Variants in PREX1 observed in about 807,000 individuals in gnomAD.
PREX1 encodes phosphatidylinositol-3,4,5-trisphosphate dependent Rac exchange factor 1.
In PREX1, 41 loss-of-function variants were observed where a neutral mutation model predicts 198.3. The observed-to-expected ratio is 0.21, with a 90% confidence interval of 0.16 to 0.27. The LOEUF (loss-of-function observed/expected upper bound fraction) is 0.27. PREX1 is among the 10% of genes least tolerant of loss of function. The pLI, the probability that PREX1 is intolerant of heterozygous loss-of-function variation, is 1.00. For synonymous variants in PREX1, 843 were observed against 887.2 expected, an observed-to-expected ratio of 0.95 and a Z score of 0.89; for missense variants, 1,620 against 2,200.7, an observed-to-expected ratio of 0.74 and a Z score of 5.28.
chr20:48,719,635 TAGA>T (rs995374238), intron 5 of PREX1, among the ~76,000 whole-genome samples: 1 of 152,072 alleles, frequency 6.6e-6, no homozygotes, highest in African/African-American at 2.4e-5. Context: ...TCCAGAATAA[TAGA>T]AGGACTCTGG....
At chr20:48,696,509 C>T (rs377022024) in intron 7 of PREX1, among the ~76,000 whole-genome samples, 6 of 152,280 alleles carry the variant, frequency 3.9e-5, no homozygotes, top group Non-Finnish European at 7.4e-5. Context: ...CCAGTAATAA[C>T]GGTCCCCTAG....
Position 48,735,334 on chromosome 20 carries a change from C to T in PREX1, c.415-684G>A, listed in dbSNP as rs572725534. On this transcript the variant is annotated intron_variant, in intron 3 of 39. Transcript: ENST00000371941. ...TAGGGATGGGGGTGTGCAAGAGACC[C>T]GAACAAGCTAAGGAAGGAAGAGGTG... 3.9e-5 allele frequency among the ~76,000 whole-genome samples: 6 copies of T among 152,172 alleles called. No homozygotes were observed. In the South Asian group the frequency reaches 1.2e-3, roughly 32 times the overall value.
At chr20:48,789,146 C>A (rs1322695700) in intron 1 of PREX1, among the ~76,000 whole-genome samples, 1 of 152,208 alleles carries the variant, frequency 6.6e-6, no homozygotes, top group Non-Finnish European at 1.5e-5. Flanking sequence ...TTAGCTAGAA[C>A]CTTCAAAGTT....
At chr20:48,627,419 G>GTT (rs2089281455) in intron 39 of PREX1, 129 bp downstream of exon 39, 1 of 1,048,300 alleles carries the variant, frequency 9.5e-7, no homozygotes, top group African/African-American at 1.6e-5. Context: ...TCCTCAAAGA[G>GTT]GTTCCCCATA....
At chr20:48,765,274 C>A (rs183786950) in intron 1 of PREX1, among the ~76,000 whole-genome samples, 1 of 152,152 alleles carries the variant, frequency 6.6e-6, no homozygotes, top group South Asian at 2.1e-4. Flanking sequence ...TTTCTTTCCC[C>A]ACCCACAAAA....
chr20:48,703,744 G>C (rs1183505327), intron 6 of PREX1, among the ~76,000 whole-genome samples: 1 of 152,198 alleles, frequency 6.6e-6, no homozygotes, highest in Non-Finnish European at 1.5e-5. Context: ...GCCAGCCTGG[G>C]AAGCTGCCTC....
intron 2 of PREX1, among the ~76,000 whole-genome samples, chr20:48,746,914 G>T (rs944596725): frequency 6.8e-6 from 1 of 147,490 alleles, no homozygotes; most frequent in South Asian, 2.2e-4. Flanking sequence ...AATGAATGCA[G>T]GCATAGAGTT....
intron 21 of PREX1, among the ~76,000 whole-genome samples, chr20:48,651,888 G>C (rs951582440): frequency 1.3e-5 from 2 of 152,234 alleles, no homozygotes; most frequent in Non-Finnish European, 2.9e-5. Context: ...AGAACAGGGA[G>C]AGCCATGAGC....
At position 48,786,214 on chromosome 20, in the gene PREX1, G is replaced by A. The variant is rs141325874; in HGVS notation, c.220-38334C>T. 1.0e-3 allele frequency among the ~76,000 whole-genome samples: 156 copies of A among 152,236 alleles called. 6 individuals carry two copies. The South Asian group carries it at 0.01, about 10-fold the overall frequency. The stretch of plus-strand genomic sequence containing the variant: ...GGGGTCCTGGTGGCATGCTGGGGGC[G>A]GGGGGTGGTAAGCAGCTGGACCCCC... On this transcript the variant is annotated intron_variant, in intron 1 of 39. Coordinates refer to ENST00000371941, the MANE Select transcript of PREX1 (RefSeq NM_020820.4).
intron 5 of PREX1, among the ~76,000 whole-genome samples, chr20:48,708,983 G>A (rs2123088595): frequency 6.6e-6 from 1 of 152,282 alleles, no homozygotes; most frequent in African/African-American, 2.4e-5. Context: ...ATGGGACTGA[G>A]CAAATGAAGT....
chr20:48,765,657 C>T (rs1249022761), intron 1 of PREX1, among the ~76,000 whole-genome samples: 2 of 152,284 alleles, frequency 1.3e-5, no homozygotes, highest in Admixed American at 6.5e-5. Context: ...TAAGTGCAGG[C>T]CCCAGGGGCT....
intron 26 of PREX1, 140 bp from the exon 27 acceptor site, chr20:48,644,637 A>G: frequency 2.8e-6 from 2 of 714,164 alleles, no homozygotes; most frequent in South Asian, 4.1e-5. Context: ...GGCACCGAGC[A>G]CCGGTCCTGG....
intron 1 of PREX1, among the ~76,000 whole-genome samples, chr20:48,798,373 C>T (rs891236597): frequency 6.6e-6 from 1 of 152,176 alleles, no homozygotes; most frequent in Non-Finnish European, 1.5e-5. Flanking sequence ...GCCTCCATAC[C>T]CACACCTAAG....
intron 1 of PREX1, among the ~76,000 whole-genome samples, chr20:48,758,946 C>T (rs918914166): frequency 3.9e-5 from 6 of 152,120 alleles, no homozygotes; most frequent in Non-Finnish European, 1.5e-5. Flanking sequence ...CATACACATT[C>T]CCCTGCGGAG....
chr20:48,688,541 ACTCTGCCCAGGATGG>A, intron 10 of PREX1, 101 bp downstream of exon 10: 1 of 1,350,722 alleles, frequency 7.4e-7, no homozygotes, highest in South Asian at 1.4e-5. Flanking sequence ...TCCTTTTGTC[ACTCTGCCCAGGATGG>A]CTCCTGGGCA....
In PREX1 at chr20:48,676,311, A is replaced by G. The variant is rs60652979; in HGVS notation, c.1590-43T>C. ...GCACAGTGAGCAGGGCAGGGCGGGGAGGACAGAGGTGGGGGTGGTCCTGAC... is the reference window on the plus strand; with the variant it reads ...GCACAGTGAGCAGGGCAGGGCGGGGGGGACAGAGGTGGGGGTGGTCCTGAC... On this transcript the variant is annotated intron_variant, in intron 13 of 39. Transcript: ENST00000371941. The G allele has an allele frequency of 1.9e-5, 30 of 1,583,444 alleles. No homozygotes were observed. The East Asian group carries it at 2.2e-4, about 12-fold the overall frequency.
chr20:48,681,358 T>C, intron 10 of PREX1, 23 bp from the exon 11 acceptor site: 1 of 1,609,966 alleles, frequency 6.2e-7, no homozygotes, highest in Non-Finnish European at 8.5e-7. Flanking sequence ...CAATATGTGG[T>C]TGAGAGGATT....
intron 1 of PREX1, among the ~76,000 whole-genome samples, chr20:48,788,507 C>T (rs1312939509): frequency 2.0e-5 from 3 of 152,088 alleles, no homozygotes; most frequent in Non-Finnish European, 4.4e-5. Context: ...GTTGCTCATC[C>T]CCCACCTGAG....
intron 19 of PREX1, 62 bp from the exon 20 acceptor site, chr20:48,653,559 C>T: frequency 6.4e-7 from 1 of 1,564,662 alleles, no homozygotes; most frequent in Non-Finnish European, 8.7e-7. Context: ...CCGCTGAACA[C>T]TGTCCCCCAC....
Sources: gnomAD v4.1 joint callset for allele counts (sites outside exome capture counted in the v4.1 genomes callset) on GRCh38, gnomAD v4.1.1 for gene constraint, MANE v1.5 for transcripts, NCBI Gene and HGNC (gene_info 2026-07-23, HGNC 2026-07-21) for gene names.